PTPRK: variants seen among roughly 807,000 people sequenced by gnomAD.
PTPRK encodes the protein protein tyrosine phosphatase receptor type K, also known as receptor-type tyrosine-protein phosphatase kappa.
Under a neutral mutation model 178.0 loss-of-function variants are expected in PTPRK, and 75 were observed. The observed-to-expected ratio is 0.42, with a 90% CI of 0.35 to 0.51. PTPRK has a LOEUF of 0.51. Among genes scored for constraint, PTPRK ranks in the 20% least tolerant of loss-of-function variants. The probability of loss-of-function intolerance (pLI) is 0.02; values close to 1 mark genes in which losing one functional copy is unlikely to be tolerated. For synonymous variants in PTPRK, 637 were observed against 620.6 expected (o/e 1.03, Z -0.39); for missense variants, 1,441 against 1,797.8 (o/e 0.80, Z 3.59).
At chr6:128,242,700 T>G in intron 3 of PTPRK, 98 bp from the exon 4 acceptor site, 1 of 1,462,948 alleles carries the variant, frequency 6.8e-7, no homozygotes, top group Non-Finnish European at 9.0e-7. Flanking sequence ...AAATCTAATT[T>G]TTGTTCAGTA....
intron 3 of PTPRK, among the ~76,000 whole-genome samples, chr6:128,298,727 A>G (rs1308464274): frequency 6.6e-6 from 1 of 152,174 alleles, no homozygotes; most frequent in Non-Finnish European, 1.5e-5. Flanking sequence ...TCTCAAAATA[A>G]TAAGAGCTAT....
intron 5 of PTPRK, chr6:128,238,218 A>AG: frequency 2.5e-6 from 1 of 405,122 alleles, no homozygotes. Context: ...GAAAAAAAAA[A>AG]GAGGTGAGGT....
At chr6:128,322,333 A>G in intron 2 of PTPRK, 23 bp from the exon 3 acceptor site, 2 of 1,530,292 alleles carry the variant, frequency 1.3e-6, no homozygotes. Context: ...TACAAATAAT[A>G]ATGCTAAAGA....
intron 11 of PTPRK, among the ~76,000 whole-genome samples, chr6:128,070,650 C>A (rs749701983): frequency 6.6e-6 from 1 of 151,964 alleles, no homozygotes; most frequent in South Asian, 2.1e-4. Context: ...GGTCACCGCA[C>A]TCTATAACCC....
chr6:128,234,584 C>T (rs1022301411), intron 5 of PTPRK, among the ~76,000 whole-genome samples: 5 of 152,180 alleles, frequency 3.3e-5, no homozygotes, highest in African/African-American at 1.2e-4. Context: ...AAGGATATGA[C>T]CTTTTTGTGT....
At chr6:128,193,378 T>A (rs1304356969) in intron 6 of PTPRK, among the ~76,000 whole-genome samples, 1 of 151,672 alleles carries the variant, frequency 6.6e-6, no homozygotes, top group Admixed American at 6.6e-5. Context: ...GTTTTAAGTA[T>A]TTTCCATGTG....
intron 7 of PTPRK, among the ~76,000 whole-genome samples, chr6:128,103,086 G>A (rs980961712): frequency 3.3e-5 from 5 of 151,176 alleles, no homozygotes; most frequent in Non-Finnish European, 7.4e-5. Context: ...TCCTTGAGCA[G>A]ATGAGCAGAA....
At position 128,063,985 on chromosome 6, in the gene PTPRK, A is replaced by G. The variant is rs1266550395; in HGVS notation, c.2194+773T>C. 5.9e-5 allele frequency among the ~76,000 whole-genome samples: 9 copies of G among 152,128 alleles called. No homozygotes were observed. In the East Asian group the frequency reaches 1.7e-3, roughly 29 times the overall value. On this transcript the variant is annotated intron_variant, in intron 13 of 29. Coordinates refer to ENST00000368226, the MANE Select transcript of PTPRK (RefSeq NM_002844.4). ...CGGCAGCAAACCACCCCAAGAACCA[A>G]CCCTTTGAGGAGGCCCACGTCTGCA...
At chr6:128,237,007 G>A (rs981773934) in intron 5 of PTPRK, among the ~76,000 whole-genome samples, 6 of 152,062 alleles carry the variant, frequency 3.9e-5, no homozygotes, top group African/African-American at 9.7e-5. Context: ...CAACAAAAAC[G>A]ACTGATATAT....
chr6:128,136,000 T>G (rs1054326359), intron 7 of PTPRK, among the ~76,000 whole-genome samples: 2 of 152,166 alleles, frequency 1.3e-5, no homozygotes, highest in Non-Finnish European at 2.9e-5. Flanking sequence ...CCTCTGAATG[T>G]GACTTCATTT....
chr6:128,079,584 A>T (rs1159716001), intron 10 of PTPRK, among the ~76,000 whole-genome samples: 1 of 152,066 alleles, frequency 6.6e-6, no homozygotes, highest in Non-Finnish European at 1.5e-5. Flanking sequence ...AGTTACCTCA[A>T]ATAGCTTTGG....
At chr6:128,199,232 A>G (rs1335108826) in intron 6 of PTPRK, among the ~76,000 whole-genome samples, 4 of 152,208 alleles carry the variant, frequency 2.6e-5, no homozygotes, top group African/African-American at 9.6e-5. Flanking sequence ...TATCATCAGA[A>G]AAATGAATAA....
chr6:128,179,000 T>C (rs926463886), intron 7 of PTPRK, among the ~76,000 whole-genome samples: 1 of 151,968 alleles, frequency 6.6e-6, no homozygotes, highest in Non-Finnish European at 1.5e-5. Flanking sequence ...AGGTAGATCA[T>C]GTTAGACTTA....
intron 13 of PTPRK, among the ~76,000 whole-genome samples, chr6:128,013,938 G>C (rs1779321360): frequency 6.6e-6 from 1 of 151,478 alleles, no homozygotes; most frequent in African/African-American, 2.4e-5. Context: ...TCACTGATTA[G>C]AGCCCTCCAA....
chr6:128,255,454 A>C (rs1817128298), intron 3 of PTPRK, among the ~76,000 whole-genome samples: 1 of 152,188 alleles, frequency 6.6e-6, no homozygotes, highest in South Asian at 2.1e-4. Context: ...TGCCTCCTTT[A>C]ATAAAGAGTG....
chr6:128,445,833 G>A (rs953128512), intron 1 of PTPRK, among the ~76,000 whole-genome samples: 1 of 152,150 alleles, frequency 6.6e-6, no homozygotes, highest in African/African-American at 2.4e-5. Flanking sequence ...GTAACAAACT[G>A]CTCCTGATGC....
At chr6:128,110,113 AG>A (rs1450081848) in intron 7 of PTPRK, among the ~76,000 whole-genome samples, 1 of 152,068 alleles carries the variant, frequency 6.6e-6, no homozygotes, top group African/African-American at 2.4e-5. Context: ...TTGTGGAGAC[AG>A]GGTCTCACTA....
At chr6:128,097,558 T>C (rs2115045123) in intron 7 of PTPRK, among the ~76,000 whole-genome samples, 1 of 152,324 alleles carries the variant, frequency 6.6e-6, no homozygotes, top group East Asian at 1.9e-4. Context: ...TCATCAGACC[T>C]AATTCCCAAA....
intron 6 of PTPRK, among the ~76,000 whole-genome samples, chr6:128,204,238 T>C (rs901073109): frequency 3.9e-5 from 6 of 152,170 alleles, no homozygotes; most frequent in African/African-American, 1.2e-4. Flanking sequence ...AAATTGAAAC[T>C]GGACCCCTTC....
Sources: allele counts gnomAD v4.1 joint callset (sites outside exome capture counted in the v4.1 genomes callset), GRCh38; gene constraint gnomAD v4.1.1; transcripts MANE v1.5; gene names NCBI Gene and HGNC (gene_info 2026-07-23, HGNC 2026-07-21).